C1orf87: variants seen among roughly 807,000 people sequenced by gnomAD.
C1orf87 encodes uncharacterized protein C1orf87.
C1orf87 carries 58 observed loss-of-function variants against 60.5 expected under a neutral mutation model. That is an observed-to-expected ratio of 0.96 (90% CI 0.78 to 1.19). The LOEUF (loss-of-function observed/expected upper bound fraction) is 1.19. Ranked by LOEUF, C1orf87 falls within the 50% of genes most tolerant of loss-of-function variation. The pLI is 0.00. For missense variants in C1orf87, 673 were observed against 638.6 expected, an observed-to-expected ratio of 1.05 and a Z score of -0.58; for synonymous variants, 236 against 227.4, an observed-to-expected ratio of 1.04 and a Z score of -0.34.
At chr1:60,070,051 C>T (rs1328968028) in intron 2 of C1orf87, among the ~76,000 whole-genome samples, 1 of 152,180 alleles carries the variant, frequency 6.6e-6, no homozygotes, top group East Asian at 1.9e-4. Context: ...TCCCTGGCAC[C>T]TTCATAGGGA....
At chr1:60,063,578 C>T (rs948845637) in intron 2 of C1orf87, among the ~76,000 whole-genome samples, 2 of 152,086 alleles carry the variant, frequency 1.3e-5, no homozygotes, top group Non-Finnish European at 2.9e-5. Context: ...CTCCCCATTC[C>T]CCACCGTGCT....
intron 3 of C1orf87, among the ~76,000 whole-genome samples, chr1:60,047,663 A>T (rs1645382219): frequency 6.6e-6 from 1 of 151,820 alleles, no homozygotes; most frequent in Non-Finnish European, 1.5e-5. Context: ...GTAGGACCAT[A>T]GGGGTTTTAT....
At chr1:60,063,755 G>A (rs1216662067) in intron 2 of C1orf87, among the ~76,000 whole-genome samples, 5 of 152,160 alleles carry the variant, frequency 3.3e-5, no homozygotes, top group Non-Finnish European at 5.9e-5. Flanking sequence ...ATCACTTGGT[G>A]CAAGCTGGAC....
rs147997086 is a variant in C1orf87, at chr1:60,033,520, G to A, written c.985C>T (p.Arg329Ter). Residue 329 changes from arginine to a stop codon, truncating the protein, a stop_gained, in exon 7 of 12, where the codon CGA (arginine) becomes TGA (stop). Coordinates refer to ENST00000371201, the MANE Select transcript of C1orf87 (RefSeq NM_152377.3). LOFTEE classifies it high-confidence loss of function. ...LNIDNLNLSF[R>*]KEDRSFSGCL... is the part of the protein sequence containing the mutation. Reference sequence around the variant, plus strand: ...CCAGAGAACGAGCGATCTTCTTTTCGAAAACTCAGATTGAGATTGTCTATG... The same window carrying A: ...CCAGAGAACGAGCGATCTTCTTTTCAAAAACTCAGATTGAGATTGTCTATG... 3.9e-5 allele frequency: 63 copies of A among 1,613,688 alleles called. No individual in the cohort carries two copies. The South Asian group carries it at 5.6e-4, about 14-fold the overall frequency.
chr1:60,034,975 T>G (rs1645265393), intron 6 of C1orf87, among the ~76,000 whole-genome samples: 1 of 152,118 alleles, frequency 6.6e-6, no homozygotes, highest in African/African-American at 2.4e-5. Context: ...GGCTCCAAAT[T>G]ATACTATTCT....
At chr1:60,039,136 G>A (rs1344211146) in intron 5 of C1orf87, among the ~76,000 whole-genome samples, 1 of 152,172 alleles carries the variant, frequency 6.6e-6, no homozygotes, top group Non-Finnish European at 1.5e-5. Context: ...AGGCATGGGA[G>A]GACTTAAGTA....
chr1:60,008,949 C>T (rs559324209), intron 9 of C1orf87: 2 of 238,826 alleles, frequency 8.4e-6, no homozygotes, highest in Admixed American at 5.3e-5. Context: ...GATAGTAATA[C>T]CCCTTCCTCT....
chr1:60,032,243 A>G (rs535094756), intron 7 of C1orf87, among the ~76,000 whole-genome samples: 1 of 151,936 alleles, frequency 6.6e-6, no homozygotes, highest in East Asian at 1.9e-4. Flanking sequence ...ATAATTTCCA[A>G]TTCTTTCTAA....
intron 2 of C1orf87, among the ~76,000 whole-genome samples, chr1:60,065,136 C>T (rs1183696291): frequency 1.4e-5 from 2 of 141,544 alleles, no homozygotes; most frequent in African/African-American, 2.7e-5. Flanking sequence ...ATGAGGCAAC[C>T]TTATACAAAA....
Position 60,038,163 on chromosome 1 carries a change from G to A in C1orf87, c.748-56C>T, listed in dbSNP as rs557156084. The A allele has an allele frequency of 1.1e-4, 118 of 1,101,414 alleles. 1 individual carries two copies. In the Middle Eastern group the frequency reaches 4.0e-3, roughly 38 times the overall value. 68.2% of individuals were successfully genotyped at this position (1,101,414 alleles called of 1,614,324 possible). ...CATTTAATTTATATGTAAGGAAAGA[G>A]GCCTGTTGAGATAAAATGTATTTGG... On this transcript the variant is annotated intron_variant, in intron 5 of 11. Coordinates refer to ENST00000371201, the MANE Select transcript of C1orf87 (RefSeq NM_152377.3).
At chr1:60,063,432 G>C (rs547706641) in intron 2 of C1orf87, among the ~76,000 whole-genome samples, 6 of 152,210 alleles carry the variant, frequency 3.9e-5, no homozygotes, top group African/African-American at 1.4e-4. Context: ...ACAGACAGAA[G>C]CAGCCTTTAG....
chr1:59,994,386 AT>A (rs1406887753), intron 11 of C1orf87, among the ~76,000 whole-genome samples: 1 of 151,868 alleles, frequency 6.6e-6, no homozygotes, highest in African/African-American at 2.4e-5. Context: ...ACTGGCTATT[AT>A]TTTATCACTT....
chr1:60,017,247 A>G (rs535218900), intron 8 of C1orf87, among the ~76,000 whole-genome samples: 1 of 152,212 alleles, frequency 6.6e-6, no homozygotes, highest in Non-Finnish European at 1.5e-5. Context: ...CAATGGGCAG[A>G]TCTATACCGT....
intron 2 of C1orf87, among the ~76,000 whole-genome samples, chr1:60,067,644 C>T (rs550817407): frequency 6.7e-5 from 9 of 134,552 alleles, no homozygotes; most frequent in South Asian, 2.4e-4. Context: ...ATGGATAGAT[C>T]GCAAAAATTT....
At chr1:60,006,694 T>A (rs1270117775) in intron 9 of C1orf87, among the ~76,000 whole-genome samples, 1 of 152,076 alleles carries the variant, frequency 6.6e-6, no homozygotes, top group Non-Finnish European at 1.5e-5. Flanking sequence ...TATTTTAGAC[T>A]TTAGACCTTA....
intron 8 of C1orf87, among the ~76,000 whole-genome samples, chr1:60,022,904 G>T (rs1346982038): frequency 6.6e-6 from 1 of 152,094 alleles, no homozygotes; most frequent in African/African-American, 2.4e-5. Context: ...GTTGGATGAA[G>T]GGAAGATTCA....
intron 2 of C1orf87, among the ~76,000 whole-genome samples, chr1:60,069,039 A>G (rs184151124): frequency 8.5e-5 from 13 of 152,200 alleles, no homozygotes; most frequent in Non-Finnish European, 1.8e-4. Flanking sequence ...ACAATATTTT[A>G]TCCTCTGTGC....
At chr1:60,041,691 A>AT (rs1645326031) in intron 3 of C1orf87, among the ~76,000 whole-genome samples, 1 of 152,158 alleles carries the variant, frequency 6.6e-6, no homozygotes, top group Non-Finnish European at 1.5e-5. Context: ...ATTTTATGGT[A>AT]TTTTGACATC....
intron 3 of C1orf87, among the ~76,000 whole-genome samples, chr1:60,050,234 T>A (rs1645404452): frequency 6.6e-6 from 1 of 152,050 alleles, no homozygotes; most frequent in Non-Finnish European, 1.5e-5. Context: ...TTTGATGATG[T>A]TAACATTTTA....
Sources: allele counts gnomAD v4.1 joint callset (sites outside exome capture counted in the v4.1 genomes callset), GRCh38; gene constraint gnomAD v4.1.1; transcripts MANE v1.5; gene names NCBI Gene and HGNC (gene_info 2026-07-23, HGNC 2026-07-21).